Variants in EFCAB3 observed in about 807,000 individuals in gnomAD.
EFCAB3 encodes EF-hand calcium binding domain 3.
Under a neutral mutation model 42.2 loss-of-function variants are expected in EFCAB3, and 36 were observed. The observed-to-expected ratio is 0.85, with a 90% CI of 0.65 to 1.13. The LOEUF (loss-of-function observed/expected upper bound fraction) is 1.13. Among genes scored for constraint, EFCAB3 ranks in the 50% most tolerant of loss-of-function variants. The pLI, the probability that EFCAB3 is intolerant of heterozygous loss-of-function variation, is 0.00. For synonymous variants in EFCAB3, 170 were observed against 172.8 expected (o/e 0.98, Z 0.13); for missense variants, 418 against 505.1 (o/e 0.83, Z 1.65).
Position 62,395,125 on chromosome 17 carries a change from A to C in EFCAB3, c.425A>C (p.Glu142Ala), listed in dbSNP as rs1465242931. 1 of 1,614,122 alleles carries C rather than the reference A, an allele frequency of 6.2e-7. No homozygotes were observed. Among genetic ancestry groups the C allele is most frequent in the South Asian group, 1.1e-5 (1 of 91,080 alleles). The change falls in exon 6 of 10, where the codon GAA (glutamate) becomes GCA (alanine). Residue 142 changes from glutamate to alanine, a missense_variant. Coordinates refer to ENST00000305286, the MANE Select transcript of EFCAB3 (RefSeq NM_173503.4). The part of the protein sequence containing the change: ...LAGNPGILLF[E>A]ILSRLLETSA... ...GGCAACCCAGGAATCCTATTGTTTG[A>C]AATCCTATCAAGGCTTCTAGAGACT...
At chr17:62,373,304 T>G (rs1337074537) in intron 1 of EFCAB3, among the ~76,000 whole-genome samples, 1 of 138,412 alleles carries the variant, frequency 7.2e-6, no homozygotes, top group African/African-American at 2.7e-5. Flanking sequence ...AATGTAGAAA[T>G]AGGTATCTCT....
intron 1 of EFCAB3, chr17:62,381,679 T>G (rs1434150090): frequency 4.8e-6 from 1 of 206,224 alleles, no homozygotes; most frequent in Non-Finnish European, 1.0e-5. Flanking sequence ...GTGCGCTCGG[T>G]CACCTCCCTC....
upstream of EFCAB3, among the ~76,000 whole-genome samples, chr17:62,375,586 A>T (rs1377116364): frequency 6.6e-6 from 1 of 152,232 alleles, no homozygotes; most frequent in Non-Finnish European, 1.5e-5. Context: ...TGATTACCTG[A>T]TAGAGGTTCT....
intron 6 of EFCAB3, among the ~76,000 whole-genome samples, chr17:62,404,688 C>T (rs1481509478): frequency 2.0e-5 from 3 of 152,152 alleles, no homozygotes; most frequent in Middle Eastern, 3.4e-3. Context: ...CCCAGCTATT[C>T]GGGAAGCTGA....
intron 1 of EFCAB3, among the ~76,000 whole-genome samples, chr17:62,372,040 G>A (rs1567718236): frequency 6.6e-6 from 1 of 152,124 alleles, no homozygotes; most frequent in Non-Finnish European, 1.5e-5. Flanking sequence ...CCCTATACTA[G>A]GTACTAGGAA....
chr17:62,409,038 T>C lies in EFCAB3; in HGVS notation c.867+1826T>C, dbSNP rs112949244. 4.5e-3 allele frequency among the ~76,000 whole-genome samples: 691 copies of C among 152,312 alleles called. 4 individuals are homozygous for C. Among genetic ancestry groups the C allele is most frequent in the African/African-American group, 0.016 (652 of 41,572 alleles). On this transcript the variant is annotated intron_variant, in intron 8 of 9. Coordinates refer to ENST00000305286, the MANE Select transcript of EFCAB3 (RefSeq NM_173503.4). ...AATTGTTCACTTCACATGGTTCATT[T>C]TATGTTACATGAATTTTCACTTTAA...
rs779173857 is a variant in EFCAB3, at chr17:62,407,053, A to G, written c.708A>G (p.Pro236=). The change falls in exon 8 of 10, where the codon CCA becomes CCG. Residue 236 remains proline (P), a synonymous_variant. Coordinates refer to ENST00000305286, the MANE Select transcript of EFCAB3 (RefSeq NM_173503.4). ...GATGCAATTCCGGTTCAGATAGCCCATATTCAAAAATACCCATCTTTCCAT... is the reference window on the plus strand; with the variant it reads ...GATGCAATTCCGGTTCAGATAGCCCGTATTCAAAAATACCCATCTTTCCAT... The part of the protein sequence containing the change: ...LKRCNSGSDS[P]YSKIPIFPLF... The G allele has an allele frequency of 1.9e-6, 3 of 1,593,976 alleles. No individual in the cohort carries two copies. Among genetic ancestry groups the G allele is most frequent in the Non-Finnish European group, 8.5e-7 (1 of 1,174,434 alleles).
At chr17:62,377,937 T>C, upstream of EFCAB3, 2 of 1,524,740 alleles carry the variant, frequency 1.3e-6, no homozygotes, top group Non-Finnish European at 1.8e-6. Context: ...CAGAAATTCA[T>C]GTAATTTTGA....
intron 1 of EFCAB3, among the ~76,000 whole-genome samples, chr17:62,373,533 A>G (rs2070129068): frequency 6.6e-6 from 1 of 152,058 alleles, no homozygotes; most frequent in Non-Finnish European, 1.5e-5. Flanking sequence ...AGGTGAGAGT[A>G]TCGCTTGAGC....
At chr17:62,399,869 C>T (rs1402582248) in intron 6 of EFCAB3, among the ~76,000 whole-genome samples, 1 of 152,120 alleles carries the variant, frequency 6.6e-6, no homozygotes, top group African/African-American at 2.4e-5. Context: ...TCTGTATTCT[C>T]ATGCTAGAAT....
At chr17:62,384,417 CT>C (rs1356435010) in intron 2 of EFCAB3, among the ~76,000 whole-genome samples, 3 of 152,124 alleles carry the variant, frequency 2.0e-5, no homozygotes, top group Non-Finnish European at 4.4e-5. Flanking sequence ...GGGTGGATCA[CT>C]TGAGCCTAGG....
At chr17:62,390,489 T>A (rs1272044812) in intron 3 of EFCAB3, among the ~76,000 whole-genome samples, 1 of 152,242 alleles carries the variant, frequency 6.6e-6, no homozygotes, top group Non-Finnish European at 1.5e-5. Flanking sequence ...CTTTTTTCCA[T>A]GGTACATACC....
intron 2 of EFCAB3, among the ~76,000 whole-genome samples, chr17:62,374,378 TTGAACC>T (rs2070135051): frequency 6.6e-6 from 1 of 152,114 alleles, no homozygotes; most frequent in East Asian, 1.9e-4. Flanking sequence ...GGAGAATCGC[TTGAACC>T]TGGAAGGCGG....
upstream of EFCAB3, among the ~76,000 whole-genome samples, chr17:62,379,780 G>A (rs146042972): frequency 8.0e-4 from 122 of 152,244 alleles, no homozygotes; most frequent in African/African-American, 2.8e-3. Flanking sequence ...AATGCCATGA[G>A]ACATGTCAGA....
chr17:62,400,202 C>T (rs2070388668), intron 6 of EFCAB3, among the ~76,000 whole-genome samples: 1 of 145,710 alleles, frequency 6.9e-6, no homozygotes, highest in Non-Finnish European at 1.5e-5. Flanking sequence ...CTTAATTTAT[C>T]TCTTTGTCCA....
intron 1 of EFCAB3, among the ~76,000 whole-genome samples, chr17:62,381,506 C>T (rs77897062): frequency 0.054 from 8,205 of 152,138 alleles, 768 homozygotes; most frequent in African/African-American, 0.19. Flanking sequence ...GGAAAGGCGA[C>T]GGTAATTCAC....
At chr17:62,405,153 G>A (rs1011410133) in intron 6 of EFCAB3, among the ~76,000 whole-genome samples, 2 of 152,184 alleles carry the variant, frequency 1.3e-5, no homozygotes, top group Non-Finnish European at 2.9e-5. Context: ...TACTCTGAGG[G>A]AAAGAAAAAC....
Position 62,393,559 on chromosome 17 carries a change from G to T in EFCAB3, c.296-14G>T. 1.2e-6 allele frequency: 2 copies of T among 1,611,898 alleles called. No individual in the cohort carries two copies. The highest frequency in any genetic ancestry group is 1.7e-6 in the Non-Finnish European group (2 of 1,178,026). On this transcript the variant is annotated splice_polypyrimidine_tract_variant and intron_variant, in intron 4 of 9. Transcript: ENST00000305286. ...CATCTTATCCTTGTCCTGAGTCTCA[G>T]ATTTTTGTTGCAGGAGATGGGAAGG...
chr17:62,383,303 G>A (rs745654928), intron 2 of EFCAB3: 5 of 299,402 alleles, frequency 1.7e-5, no homozygotes, highest in East Asian at 1.4e-4. Flanking sequence ...GTGAAACTCC[G>A]TCTCTACTAA....
Sources: allele counts gnomAD v4.1 joint callset (sites outside exome capture counted in the v4.1 genomes callset), GRCh38; gene constraint gnomAD v4.1.1; transcripts MANE v1.5; gene names NCBI Gene and HGNC (gene_info 2026-07-23, HGNC 2026-07-21).